Variants in HYCC1 observed in about 807,000 individuals in gnomAD.
HYCC1 encodes hyccin.
chr7:22,976,767 T>C, the HYCC1 span: 2 of 1,613,656 alleles, frequency 1.2e-6, no homozygotes, highest in East Asian at 4.5e-5. Context: ...CATGCTGGGA[T>C]AGTGCACTCT....
chr7:23,003,002 G>T, the HYCC1 span, among the ~76,000 whole-genome samples: 16 of 151,960 alleles, frequency 1.1e-4, no homozygotes, highest in Non-Finnish European at 1.9e-4. Flanking sequence ...TTCTTACAAG[G>T]ACACCAATCA....
chr7:22,963,421 GCCTT>G, the HYCC1 span, among the ~76,000 whole-genome samples: 1 of 152,146 alleles, frequency 6.6e-6, no homozygotes, highest in Non-Finnish European at 1.5e-5. Context: ...GATGAAAAAT[GCCTT>G]CAGTGGTCTC....
chr7:22,996,401 A>C, the HYCC1 span, among the ~76,000 whole-genome samples: 1 of 151,884 alleles, frequency 6.6e-6, no homozygotes, highest in Admixed American at 6.6e-5. Context: ...AGTATAGGAT[A>C]ATTTTTTTAT....
the HYCC1 span, chr7:22,976,381 C>A: frequency 4.0e-6 from 4 of 994,164 alleles, no homozygotes; most frequent in Admixed American, 1.8e-5. Flanking sequence ...AGAGAGCACT[C>A]CTTGGGGAGA....
the HYCC1 span, among the ~76,000 whole-genome samples, chr7:23,001,072 G>C: frequency 6.6e-6 from 1 of 151,952 alleles, no homozygotes; most frequent in African/African-American, 2.4e-5. Context: ...GGCATCATTG[G>C]GAATATGGTC....
the HYCC1 span, among the ~76,000 whole-genome samples, chr7:23,002,460 C>A: frequency 6.6e-6 from 1 of 151,988 alleles, no homozygotes; most frequent in African/African-American, 2.4e-5. Flanking sequence ...CTCTTGAACA[C>A]CTAGGAACAC....
chr7:22,961,303 G>C, the HYCC1 span: 11 of 1,591,510 alleles, frequency 6.9e-6, no homozygotes, highest in African/African-American at 1.3e-5. Flanking sequence ...TTTTGAGCTA[G>C]ATCCCATTCT....
the HYCC1 span, chr7:23,013,912 C>G: frequency 6.4e-6 from 3 of 468,290 alleles, no homozygotes; most frequent in Non-Finnish European, 1.3e-5. Flanking sequence ...GTGGGTCTCT[C>G]GGCTGGACTC....
chr7:22,974,256 C>T, the HYCC1 span, among the ~76,000 whole-genome samples: 1 of 152,154 alleles, frequency 6.6e-6, no homozygotes, highest in Non-Finnish European at 1.5e-5. Context: ...TTCCCTTCCA[C>T]CCTCCCACCT....
At chr7:22,990,212 T>G in the HYCC1 span, among the ~76,000 whole-genome samples, 1 of 152,242 alleles carries the variant, frequency 6.6e-6, no homozygotes, top group Non-Finnish European at 1.5e-5. Flanking sequence ...CTGCTTTGTT[T>G]TGAGTCTACC....
At chr7:22,941,291 G>A in the HYCC1 span, 1 of 137,350 alleles carries the variant, frequency 7.3e-6, no homozygotes, top group South Asian at 2.5e-4. Context: ...AATAAAACAA[G>A]AGGCAACACT....
At chr7:22,966,065 G>C in the HYCC1 span, among the ~76,000 whole-genome samples, 2 of 151,970 alleles carry the variant, frequency 1.3e-5, no homozygotes, top group Non-Finnish European at 2.9e-5. Flanking sequence ...ATAATGTTTT[G>C]AAAATCTATT....
chr7:22,950,972 ATATTT>A, the HYCC1 span, among the ~76,000 whole-genome samples: 1 of 151,888 alleles, frequency 6.6e-6, no homozygotes, highest in South Asian at 2.1e-4. Context: ...TTCTCAGGAT[ATATTT>A]TATTTGTGTA....
the HYCC1 span, chr7:22,934,833 T>C: frequency 6.6e-6 from 1 of 152,162 alleles, no homozygotes; most frequent in Non-Finnish European, 1.5e-5. Context: ...TGCCCAAAGT[T>C]TGTATTGGAA....
the HYCC1 span, among the ~76,000 whole-genome samples, chr7:22,953,429 A>G: frequency 6.6e-6 from 1 of 151,964 alleles, no homozygotes; most frequent in Non-Finnish European, 1.5e-5. Context: ...GTAGAATACA[A>G]TAATTTACGA....
chr7:23,008,893 A>G, the HYCC1 span, among the ~76,000 whole-genome samples: 1 of 152,062 alleles, frequency 6.6e-6, no homozygotes, highest in Non-Finnish European at 1.5e-5. Context: ...TAATATAAGG[A>G]AACAGAGGTG....
the HYCC1 span, among the ~76,000 whole-genome samples, chr7:22,958,737 C>G: frequency 6.6e-6 from 1 of 152,198 alleles, no homozygotes; most frequent in Admixed American, 6.5e-5. Context: ...CACACATACT[C>G]TCTCTCATAT....
chr7:22,931,013 G>C, the HYCC1 span, among the ~76,000 whole-genome samples: 1 of 151,946 alleles, frequency 6.6e-6, no homozygotes, highest in South Asian at 2.1e-4. Flanking sequence ...GAACATGTGA[G>C]ATAAACCCAC....
the HYCC1 span, among the ~76,000 whole-genome samples, chr7:23,011,281 A>G: frequency 1.3e-5 from 2 of 152,212 alleles, no homozygotes; most frequent in Admixed American, 6.5e-5. Context: ...TATAGCTTCA[A>G]TTCAACCCCC....
Sources: allele counts gnomAD v4.1 joint callset (sites outside exome capture counted in the v4.1 genomes callset), GRCh38; gene constraint gnomAD v4.1.1; transcripts MANE v1.5; gene names NCBI Gene and HGNC (gene_info 2026-07-23, HGNC 2026-07-21).